The following TLE6 variants were observed in gnomAD, a reference collection of about 807,000 sequenced individuals.
The protein encoded by TLE6 is transducin-like enhancer protein 6.
TLE6 carries 72 observed loss-of-function variants against 77.1 expected under a neutral mutation model. The ratio of observed to expected loss-of-function variants is 0.93; its 90% CI spans 0.77 to 1.14. The LOEUF (loss-of-function observed/expected upper bound fraction) is 1.14. TLE6 is among the 50% of genes most tolerant of loss of function. The probability of loss-of-function intolerance (pLI) is 0.00; values close to 1 mark genes in which losing one functional copy is unlikely to be tolerated. For synonymous variants in TLE6, 366 were observed against 287.3 expected, an observed-to-expected ratio of 1.27 and a Z score of -2.77; for missense variants, 843 against 747.6, an observed-to-expected ratio of 1.13 and a Z score of -1.49.
chr19:2,989,472 G>T (rs1460433662), intron 12 of TLE6, 63 bp from the exon 13 acceptor site: 9 of 1,577,994 alleles, frequency 5.7e-6, no homozygotes, highest in Non-Finnish European at 7.7e-6. Context: ...CTCTCATGAG[G>T]CAAAGCAGTC....
At chr19:2,992,614 T>TAA (rs1451409704) in intron 14 of TLE6, among the ~76,000 whole-genome samples, 2 of 149,726 alleles carry the variant, frequency 1.3e-5, no homozygotes, top group Non-Finnish European at 3.0e-5. Context: ...CTACAAAAAA[T>TAA]AAAAATAAAA....
At position 2,995,061 on chromosome 19, in the gene TLE6, C is replaced by CA. The variant is rs1555687646; in HGVS notation, c.*57_*58insA. On this transcript the variant is annotated 3_prime_UTR_variant, in exon 17 of 17. Coordinates refer to ENST00000246112, the MANE Select transcript of TLE6 (RefSeq NM_001143986.2). ...CCTCTTTTCATCCCCCCCCTTCCCC[C>CA]CCCCCAACAAGGGGGACATGGTGGA... 1.3e-5 allele frequency: 13 copies of CA among 1,030,760 alleles called. No individual in the cohort carries two copies. Among genetic ancestry groups the CA allele is most frequent in the South Asian group, 2.8e-5 (2 of 70,874 alleles). 63.9% of individuals were successfully genotyped at this position (1,030,760 alleles called of 1,614,324 possible). A position where few individuals can be genotyped will look rare whatever the true frequency, so the allele number is the denominator to read the frequency against.
chr19:2,990,569 C>G (rs986757116), intron 13 of TLE6, among the ~76,000 whole-genome samples: 1 of 149,114 alleles, frequency 6.7e-6, no homozygotes, highest in East Asian at 2.0e-4. Context: ...TGTGCCACTG[C>G]GTTCCCAGCC....
chr19:2,981,272 A>C (rs1221753770), intron 3 of TLE6, among the ~76,000 whole-genome samples: 1 of 150,998 alleles, frequency 6.6e-6, no homozygotes, highest in Non-Finnish European at 1.5e-5. Context: ...AGGCAGGAGG[A>C]TCTCTTGAAC....
intron 15 of TLE6, 99 bp from the exon 16 acceptor site, chr19:2,993,920 C>CGA (rs1491397269): frequency 9.1e-6 from 5 of 548,984 alleles, no homozygotes; most frequent in Non-Finnish European, 1.2e-5. Flanking sequence ...GACCCTGTCT[C>CGA]AAAAAAAAAA....
Position 2,987,340 on chromosome 19 carries a change from G to A in TLE6, c.542-16G>A, listed in dbSNP as rs759303918. ...TCTCTCTGTCCCCCTCCTCCTCTCCGTTGTCATGGTGACAGAGCAGGCACC... is the reference window on the plus strand; with the variant it reads ...TCTCTCTGTCCCCCTCCTCCTCTCCATTGTCATGGTGACAGAGCAGGCACC... On this transcript the variant is annotated splice_polypyrimidine_tract_variant and intron_variant, in intron 7 of 16. Coordinates refer to ENST00000246112, the MANE Select transcript of TLE6 (RefSeq NM_001143986.2). The A allele has an allele frequency of 1.9e-5, 31 of 1,614,016 alleles. No individual in the cohort carries two copies. Among genetic ancestry groups the A allele is most frequent in the Admixed American group, 5.0e-5 (3 of 60,004 alleles).
chr19:2,992,793 AGGGGGGG>A (rs2089102864), intron 14 of TLE6, among the ~76,000 whole-genome samples: 7 of 19,750 alleles, frequency 3.5e-4, no homozygotes, highest in African/African-American at 1.0e-3. Context: ...AAAAAAAAAA[AGGGGGGG>A]AGGCGGGTGG....
In TLE6 at chr19:2,988,313, T is replaced by G. The variant is rs60110621; in HGVS notation, c.740+185T>G. Among the ~76,000 whole-genome samples the G allele has an allele frequency of 0.047, 7,095 of 152,180 alleles. 539 individuals are homozygous for G. Among genetic ancestry groups the G allele is most frequent in the African/African-American group, 0.16 (6,666 of 41,486 alleles). On this transcript the variant is annotated intron_variant, in intron 11 of 16. Transcript: ENST00000246112. ...GAGGCTGGGTAGAAAAGTGCAGTGT[T>G]AGGCCGGGCGCGGTGGCTCACGCCT...
chr19:2,992,683 G>A (rs2089097183), intron 14 of TLE6, among the ~76,000 whole-genome samples: 1 of 150,830 alleles, frequency 6.6e-6, no homozygotes, highest in East Asian at 2.0e-4. Flanking sequence ...GCTGAGGTGA[G>A]AGAATGGCTT....
rs1046023137 is a variant in TLE6 at position 2,994,192 on chromosome 19, G to A, written c.1614+97G>A. 5.8e-5 allele frequency: 59 copies of A among 1,017,934 alleles called. No individual in the cohort carries two copies. The Admixed American group carries it at 6.8e-4, about 12-fold the overall frequency. 63.1% of individuals were successfully genotyped at this position (1,017,934 alleles called of 1,614,324 possible). On this transcript the variant is annotated intron_variant, in intron 16 of 16. Coordinates refer to ENST00000246112, the MANE Select transcript of TLE6 (RefSeq NM_001143986.2). ...CCTGTCTCCACAAAAAACTTAAAAA[G>A]TAGCCAGGTGTGGTGGCTCACGGCT... is the stretch of plus-strand genomic sequence containing the variant.
intron 14 of TLE6, 83 bp from the exon 15 acceptor site, chr19:2,993,349 G>A (rs1386995604): frequency 1.4e-5 from 20 of 1,462,058 alleles, no homozygotes; most frequent in African/African-American, 4.3e-5. Context: ...CGGCCTCCAG[G>A]ATAGGTCCCC....
rs978050287 is a variant in TLE6, at chr19:2,982,246, C to G, written c.222+57C>G. 19 of 1,538,546 alleles carry G rather than the reference C, an allele frequency of 1.2e-5. No homozygotes were observed. The African/African-American group carries it at 2.2e-4, about 18-fold the overall frequency. Reference sequence around the variant, plus strand: ...TCCCTCCATGAAAGGCATGAGAAAGCACAGAGGGGGGCCGGGCACAGTGGC... The same window carrying G: ...TCCCTCCATGAAAGGCATGAGAAAGGACAGAGGGGGGCCGGGCACAGTGGC... On this transcript the variant is annotated intron_variant, in intron 5 of 16. Coordinates refer to ENST00000246112, the MANE Select transcript of TLE6 (RefSeq NM_001143986.2).
In TLE6 at chr19:2,989,295, G is replaced by T. The variant is rs1474041173; in HGVS notation, c.975G>T (p.Glu325Asp). ...TGQVAEDRFPESHLPIQTPGA... is the reference protein window; with the variant it reads ...TGQVAEDRFPDSHLPIQTPGA... Reference sequence around the variant, plus strand: ...AGGTGGCTGAGGACAGGTTCCCTGAGAGCCACCTGCCTATACAGGTGAGGA... The same window carrying T: ...AGGTGGCTGAGGACAGGTTCCCTGATAGCCACCTGCCTATACAGGTGAGGA... The change falls in exon 12 of 17, where the codon GAG becomes GAT. Residue 325 changes from glutamate (E) to aspartate (D), a missense_variant. Glu to Asp is a conservative substitution (Grantham distance 45, BLOSUM62 2). Transcript: ENST00000246112. 2 of 1,613,018 alleles carry T rather than the reference G, an allele frequency of 1.2e-6. No individual in the cohort carries two copies. Among genetic ancestry groups the T allele is most frequent in the Non-Finnish European group, 1.7e-6 (2 of 1,180,052 alleles).
intron 16 of TLE6, among the ~76,000 whole-genome samples, chr19:2,994,597 C>A (rs531158184): frequency 7.7e-6 from 1 of 129,980 alleles, no homozygotes; most frequent in East Asian, 3.3e-4. Flanking sequence ...GTGACAGAGA[C>A]TCCATCTAAA....
Position 2,981,520 on chromosome 19 carries a change from GTCC to G in TLE6, c.135-13_135-11del, listed in dbSNP as rs1249016027. 1.9e-6 allele frequency: 3 copies of G among 1,551,508 alleles called. No individual in the cohort carries two copies. Among genetic ancestry groups the G allele is most frequent in the Non-Finnish European group, 2.6e-6 (3 of 1,146,898 alleles). ...CCTGAAGCCACAGGTCTTCCAGCCT[GTCC>G]TCCTTCCCCCTCAGGTTTTCTCCTC... On this transcript the variant is annotated splice_polypyrimidine_tract_variant and intron_variant, in intron 3 of 16. Transcript: ENST00000246112.
chr19:2,991,965 A>G lies in TLE6; in HGVS notation c.1367A>G (p.Glu456Gly). Residue 456 changes from glutamate (E) to glycine (G), a missense_variant, in exon 14 of 17, where the codon GAG (glutamate) becomes GGG (glycine). Transcript: ENST00000246112. ...WDQRTIMKPL[E>G]YQFKSQIMSL... ...CAGAGGACCATCATGAAACCTCTGG[A>G]GTACCAATTCAAGTCTCAGGTGCGG... is the stretch of plus-strand genomic sequence containing the variant. The G allele has an allele frequency of 1.2e-6, 2 of 1,613,820 alleles. No homozygotes were observed. The highest frequency in any genetic ancestry group is 1.7e-6 in the Non-Finnish European group (2 of 1,179,956).
chr19:2,993,920 CAAAAAAA>C (rs34647224), intron 15 of TLE6, 92 bp from the exon 16 acceptor site: 342 of 548,262 alleles, frequency 6.2e-4, no homozygotes, highest in Middle Eastern at 1.4e-3. Context: ...GACCCTGTCT[CAAAAAAA>C]AAAAAAAAAA....
chr19:2,992,021 T>C, intron 14 of TLE6, 37 bp downstream of exon 14: 1 of 1,604,038 alleles, frequency 6.2e-7, no homozygotes, highest in Non-Finnish European at 8.5e-7. Flanking sequence ...TGGCCAGGCA[T>C]CCTCTGGTCC....
chr19:2,993,561 A>AC lies in TLE6; in HGVS notation c.1516_1517insC (p.Ser506ThrfsTer36). On this transcript the variant is annotated frameshift_variant, in exon 15 of 17. Transcript: ENST00000246112. LOFTEE classifies it high-confidence loss of function. ...GGGGCAAAAAGACAGCGTCATCCTG[A>AC]GCGTCAAGTTCTCCCCCTTTGGTAA... 6.3e-7 allele frequency: 1 copy of AC among 1,576,196 alleles called. No homozygotes were observed. Among genetic ancestry groups the AC allele is most frequent in the Non-Finnish European group, 8.7e-7 (1 of 1,154,154 alleles).
Sources: gnomAD v4.1 joint callset for allele counts (sites outside exome capture counted in the v4.1 genomes callset) on GRCh38, gnomAD v4.1.1 for gene constraint, MANE v1.5 for transcripts, NCBI Gene and HGNC (gene_info 2026-07-23, HGNC 2026-07-21) for gene names.